The following SLC35E4 variants were observed in gnomAD, a reference collection of about 807,000 sequenced individuals.
SLC35E4 encodes the protein solute carrier family 35 member E4.
A neutral mutation model predicts 19.3 loss-of-function variants in SLC35E4; 15 were observed. The ratio of observed to expected loss-of-function variants is 0.78; its 90% CI spans 0.52 to 1.20. The LOEUF (loss-of-function observed/expected upper bound fraction) is 1.20. Among genes scored for constraint, SLC35E4 ranks in the 50% most tolerant of loss-of-function variants. SLC35E4 has a pLI of 0.00. For missense variants in SLC35E4, 406 were observed against 472.3 expected (o/e 0.86, Z 1.30); for synonymous variants, 219 against 219.9 (o/e 1.00, Z 0.04).
At chr22:30,652,768 A>G (rs1277361457), downstream of SLC35E4, among the ~76,000 whole-genome samples, 1 of 152,232 alleles carries the variant, frequency 6.6e-6, no homozygotes, top group East Asian at 1.9e-4. Context: ...AAAGTGAGTG[A>G]TTCAAGAGAA....
intron 1 of SLC35E4, among the ~76,000 whole-genome samples, chr22:30,646,040 C>A (rs370715640): frequency 2.9e-4 from 44 of 151,438 alleles, no homozygotes; most frequent in Admixed American, 1.3e-3. Context: ...AGGTCTCAAA[C>A]TCCTGGGCTC....
chr22:30,666,136 G>A (rs2088648198), downstream of SLC35E4, among the ~76,000 whole-genome samples: 2 of 152,164 alleles, frequency 1.3e-5, no homozygotes, highest in South Asian at 4.1e-4. Context: ...TAAATGCTAA[G>A]GAATGTTCTG....
At chr22:30,649,972 C>T (rs2088183196), downstream of SLC35E4, among the ~76,000 whole-genome samples, 1 of 149,436 alleles carries the variant, frequency 6.7e-6, no homozygotes, top group South Asian at 2.1e-4. Context: ...CCCAAGGCCA[C>T]AGCCAAAGCC....
downstream of SLC35E4, chr22:30,664,062 A>C: frequency 6.7e-7 from 1 of 1,490,026 alleles, no homozygotes; most frequent in Non-Finnish European, 9.1e-7. Context: ...TCTTTCTGCT[A>C]GGCTGTGTCC....
downstream of SLC35E4, among the ~76,000 whole-genome samples, chr22:30,666,547 G>A (rs1336259642): frequency 6.8e-6 from 1 of 148,042 alleles, no homozygotes; most frequent in Admixed American, 6.9e-5. Flanking sequence ...GCTTGAACCC[G>A]GGAGGCGGAG....
Position 30,654,430 on chromosome 22 carries a change from T to C in SLC35E4, c.*8+5177T>C, listed in dbSNP as rs1051984631. The C allele has an allele frequency of 6.7e-6, 3 of 447,504 alleles. No homozygotes were observed. In the Admixed American group the frequency reaches 7.2e-5, roughly 11 times the overall value. 27.7% of individuals were successfully genotyped at this position (447,504 alleles called of 1,614,324 possible). On this transcript the variant is annotated intron_variant, in intron 2 of 2. Coordinates refer to the SLC35E4 transcript ENST00000406566. ...GGCAAACTTTCTTGTAGGCTTCAGA[T>C]GCACAACCTGGAGGGCAGCAGGAAC... is the stretch of plus-strand genomic sequence containing the variant.
At chr22:30,665,994 A>G (rs1257989359), downstream of SLC35E4, among the ~76,000 whole-genome samples, 1 of 152,180 alleles carries the variant, frequency 6.6e-6, no homozygotes, top group African/African-American at 2.4e-5. Context: ...AAGGTTGTAT[A>G]GGCAAATCCT....
chr22:30,641,717 AATTTTTTTTTTTTTTTTTT>A (rs1166176238), intron 1 of SLC35E4, among the ~76,000 whole-genome samples: 1 of 73,740 alleles, frequency 1.4e-5, no homozygotes, highest in African/African-American at 5.7e-5. Flanking sequence ...GCTAATTTTT[AATTTTTTTTTTTTTTTTTT>A]TTTTTTTTTA....
chr22:30,660,129 C>T (rs1446381169), intron 2 of SLC35E4, among the ~76,000 whole-genome samples: 1 of 152,188 alleles, frequency 6.6e-6, no homozygotes, highest in African/African-American at 2.4e-5. Context: ...CCGTATGAAA[C>T]GTGATTTGGA....
exon 3 of SLC35E4, chr22:30,662,514 C>T (rs2088507344): frequency 6.6e-6 from 1 of 152,142 alleles, no homozygotes; most frequent in Admixed American, 6.5e-5. Context: ...TTGCCATGTA[C>T]AATAGCACTC....
chr22:30,645,775 C>T (rs909930411), intron 1 of SLC35E4, among the ~76,000 whole-genome samples: 22 of 151,298 alleles, frequency 1.5e-4, no homozygotes, highest in African/African-American at 4.9e-4. Flanking sequence ...GCCTCAGCCT[C>T]TCAAAGTGCT....
chr22:30,650,388 CGGAA>C (rs2145585710), downstream of SLC35E4, among the ~76,000 whole-genome samples: 1 of 151,218 alleles, frequency 6.6e-6, no homozygotes, highest in East Asian at 1.9e-4. Flanking sequence ...CCCAGCTACT[CGGAA>C]GGCTGAGGCA....
At position 30,635,830 on chromosome 22, in the gene SLC35E4, G is replaced by A; in HGVS notation, c.-621G>A. 1 of 155,424 alleles carries A rather than the reference G, an allele frequency of 6.4e-6. No individual in the cohort carries two copies. The highest frequency in any genetic ancestry group is 1.4e-5 in the Non-Finnish European group (1 of 70,112). 9.6% of individuals were successfully genotyped at this position (155,424 alleles called of 1,614,324 possible). A position where few individuals can be genotyped will look rare whatever the true frequency, so the allele number is the denominator to read the frequency against. ...CGGAGTCACAGCCGCAGCCAGAGCC[G>A]CAGCCAAAGCCTCAGAGAGCAGGAG... On this transcript the variant is annotated 5_prime_UTR_variant, in exon 1 of 2. Coordinates refer to ENST00000343605, the MANE Select transcript of SLC35E4 (RefSeq NM_001001479.4).
At chr22:30,663,413 C>T, downstream of SLC35E4, 1 of 1,587,922 alleles carries the variant, frequency 6.3e-7, no homozygotes, top group South Asian at 1.1e-5. Context: ...CCTCTGACTC[C>T]AATGCAGGGG....
chr22:30,656,304 A>G (rs2088337462), intron 2 of SLC35E4, among the ~76,000 whole-genome samples: 1 of 152,108 alleles, frequency 6.6e-6, no homozygotes, highest in Admixed American at 6.5e-5. Context: ...TTAACATCCC[A>G]GGATAGGAAA....
At chr22:30,660,226 T>A (rs2088429894) in intron 2 of SLC35E4, among the ~76,000 whole-genome samples, 1 of 152,252 alleles carries the variant, frequency 6.6e-6, no homozygotes, top group East Asian at 1.9e-4. Flanking sequence ...TGGATGTTGT[T>A]TTAAGCCACT....
Position 30,636,902 on chromosome 22 carries a change from C to T in SLC35E4, c.452C>T (p.Ser151Leu). 3 of 1,612,014 alleles carry T rather than the reference C, an allele frequency of 1.9e-6. No individual in the cohort carries two copies. The highest frequency in any genetic ancestry group is 2.2e-5 in the East Asian group (1 of 44,856). ...ACACCTCTGTTCACCCTGGCCCTGT[C>T]GGCGCTGCTGCTGGGCCGCCGCCAC... ...TTTPLFTLAL[S>L]ALLLGRRHHP... The change falls in exon 1 of 2, where the codon TCG becomes TTG. Residue 151 changes from serine to leucine, a missense_variant. By Grantham distance (145) the Ser-to-Leu change is moderately radical. Transcript: ENST00000343605.
chr22:30,660,519 A>G (rs574035478), intron 2 of SLC35E4, among the ~76,000 whole-genome samples: 4 of 152,290 alleles, frequency 2.6e-5, no homozygotes, highest in Admixed American at 2.6e-4. Context: ...TTCACGGACA[A>G]TGTCAAAAGC....
At chr22:30,637,981 G>T (rs2087977153) in intron 1 of SLC35E4, among the ~76,000 whole-genome samples, 1 of 152,170 alleles carries the variant, frequency 6.6e-6, no homozygotes, top group African/African-American at 2.4e-5. Context: ...AGTGTGACAG[G>T]CTTGGTGCTG....
Sources: allele counts gnomAD v4.1 joint callset (sites outside exome capture counted in the v4.1 genomes callset), GRCh38; gene constraint gnomAD v4.1.1; transcripts MANE v1.5; gene names NCBI Gene and HGNC (gene_info 2026-07-23, HGNC 2026-07-21).